The following PLXND1 variants were observed in gnomAD, a reference collection of about 807,000 sequenced individuals.
PLXND1 encodes plexin-D1.
In PLXND1, 54 loss-of-function variants were observed where a neutral mutation model predicts 197.7. The ratio of observed to expected loss-of-function variants is 0.27; its 90% CI spans 0.22 to 0.34. The LOEUF is 0.34. PLXND1 is among the 10% of genes least tolerant of loss of function. PLXND1 has a pLI of 1.00. For synonymous variants in PLXND1, 1,180 were observed against 1,161.2 expected, an observed-to-expected ratio of 1.02 and a Z score of -0.33; for missense variants, 2,127 against 2,699.2, an observed-to-expected ratio of 0.79 and a Z score of 4.70.
At chr3:129,591,272 A>G (rs1311810331) in intron 1 of PLXND1, 2 of 152,232 alleles carry the variant, frequency 1.3e-5, no homozygotes, top group Non-Finnish European at 2.9e-5. Context: ...ATTTTACTCA[A>G]CTATAAAATG....
At position 129,561,814 on chromosome 3, in the gene PLXND1, G is replaced by A; in HGVS notation, c.4915C>T (p.Leu1639=). The A allele has an allele frequency of 6.2e-7, 1 of 1,612,742 alleles. No homozygotes were observed. Among genetic ancestry groups the A allele is most frequent in the Non-Finnish European group, 8.5e-7 (1 of 1,178,866 alleles). Residue 1639 remains leucine, a synonymous_variant, in exon 28 of 36, where the codon CTG becomes TTG. Transcript: ENST00000324093. ...VEDGRKKLNT[L]AHYKIPEGAS... Reference sequence around the variant, plus strand: ...CAGGGCTGCACCTTGTAATGGGCCAGCGTGTTAAGCTTCTTGCGGCCGTCT... The same window carrying A: ...CAGGGCTGCACCTTGTAATGGGCCAACGTGTTAAGCTTCTTGCGGCCGTCT...
Position 129,589,521 on chromosome 3 carries a change from G to C in PLXND1, c.1318C>G (p.Pro440Ala). 6.3e-7 allele frequency: 1 copy of C among 1,580,516 alleles called. No individual in the cohort carries two copies. The highest frequency in any genetic ancestry group is 1.1e-5 in the South Asian group (1 of 87,022). The change falls in exon 2 of 36, where the codon CCA becomes GCA. Residue 440 changes from proline to alanine, a missense_variant. By Grantham distance (27) the Pro-to-Ala change is conservative. Transcript: ENST00000324093. ...CERKLNIQLQ[P>A]EQLDCGAAHL... Reference sequence around the variant, plus strand: ...GCAGCTCCACAGTCCAGCTGCTCTGGCTGGAGCTGGAAGAGGAACGGCACG... The same window carrying C: ...GCAGCTCCACAGTCCAGCTGCTCTGCCTGGAGCTGGAAGAGGAACGGCACG...
At chr3:129,601,501 C>G (rs1305531201) in intron 1 of PLXND1, among the ~76,000 whole-genome samples, 1 of 152,164 alleles carries the variant, frequency 6.6e-6, no homozygotes. Context: ...TTCCAAAGGC[C>G]TGGCTGAGCT....
chr3:129,557,689 G>A lies in PLXND1; in HGVS notation c.5446-466C>T, dbSNP rs770980609. Among the ~76,000 whole-genome samples, 3 of 152,180 alleles carry A rather than the reference G, an allele frequency of 2.0e-5. No homozygotes were observed. The highest frequency in any genetic ancestry group is 4.4e-5 in the Non-Finnish European group (3 of 68,042). On this transcript the variant is annotated intron_variant, in intron 33 of 35. Coordinates refer to ENST00000324093, the MANE Select transcript of PLXND1 (RefSeq NM_015103.3). The surrounding 1 kb of genome is among the most constrained non-coding windows in gnomAD (Gnocchi z 4.8). ...ACACTCCCAGTTCTTTGTCAGTCAC[G>A]GGCACCCTGCCTTCGGAGGCAGTAC...
intron 1 of PLXND1, among the ~76,000 whole-genome samples, chr3:129,597,215 G>A (rs555815431): frequency 2.4e-4 from 36 of 152,056 alleles, no homozygotes; most frequent in African/African-American, 8.2e-4. Context: ...GCAGGCCTGC[G>A]GGCTCCAGAT....
Position 129,565,396 on chromosome 3 carries a change from C to T in PLXND1, c.4465G>A (p.Val1489Met). The change falls in exon 25 of 36, where the codon GTG becomes ATG. Residue 1489 changes from valine to methionine, a missense_variant. Transcript: ENST00000324093. ...CAGTTGGTGAGCATCTTCTCCACCA[C>T]AGACTCTGTGCGCCGCAGCATGAGC... ...PKLMLRRTES[V>M]VEKMLTNWMS... The T allele has an allele frequency of 2.5e-6, 4 of 1,614,182 alleles. No homozygotes were observed. The highest frequency in any genetic ancestry group is 3.4e-6 in the Non-Finnish European group (4 of 1,180,044).
chr3:129,557,287 T>G lies in PLXND1; in HGVS notation c.5446-64A>C. On this transcript the variant is annotated intron_variant, in intron 33 of 35. Coordinates refer to ENST00000324093, the MANE Select transcript of PLXND1 (RefSeq NM_015103.3). The surrounding 1 kb of genome is among the most constrained non-coding windows in gnomAD (Gnocchi z 4.8). ...AGAAAGGACGGATCTGGTCGTTTTC[T>G]GGATGAGCCCTCATCCCTCCTGCCA... is the stretch of plus-strand genomic sequence containing the variant. The G allele has an allele frequency of 6.3e-7, 1 of 1,585,720 alleles. No homozygotes were observed. Among genetic ancestry groups the G allele is most frequent in the Non-Finnish European group, 8.6e-7 (1 of 1,157,552 alleles).
chr3:129,580,495 C>T (rs1292923322), intron 8 of PLXND1, among the ~76,000 whole-genome samples: 2 of 152,140 alleles, frequency 1.3e-5, no homozygotes, highest in East Asian at 1.9e-4. Flanking sequence ...GGCTGGGGCC[C>T]AGCCTCTGTC....
At chr3:129,590,502 G>A (rs561086089) in intron 1 of PLXND1, among the ~76,000 whole-genome samples, 13 of 152,232 alleles carry the variant, frequency 8.5e-5, no homozygotes, top group Admixed American at 5.9e-4. Flanking sequence ...CACATGTGTC[G>A]GATGGGACTG....
Position 129,586,244 on chromosome 3 carries a change from T to C in PLXND1, c.1649A>G (p.Asn550Ser), listed in dbSNP as rs772928504. 14 of 1,590,436 alleles carry C rather than the reference T, an allele frequency of 8.8e-6. No homozygotes were observed. Among genetic ancestry groups the C allele is most frequent in the African/African-American group, 2.7e-5 (2 of 74,496 alleles). Residue 550 changes from asparagine to serine, a missense_variant, in exon 4 of 36, where the codon AAC becomes AGC. Physicochemically the swap from Asn to Ser is conservative, Grantham distance 46. Around this residue, in one of 6 missense-constraint regions of PLXND1, gnomAD observed 1,095 missense variants for 1,259.8 expected, o/e 0.87. Coordinates refer to ENST00000324093, the MANE Select transcript of PLXND1 (RefSeq NM_015103.3). ...GCAGTCCCCACAGGTGGAGTGCACG[T>C]TGCAGGCGGCGACCTTCACCCTGGC... ...QMARVKVAAC[N>S]VHSTCGDCVG...
At chr3:129,590,337 C>G (rs2085521376) in intron 1 of PLXND1, among the ~76,000 whole-genome samples, 1 of 152,182 alleles carries the variant, frequency 6.6e-6, no homozygotes, top group Non-Finnish European at 1.5e-5. Flanking sequence ...TACCTTCCCT[C>G]CCTTCTCCTG....
At position 129,605,765 on chromosome 3, in the gene PLXND1, C is replaced by A. The variant is rs79870266; in HGVS notation, c.875G>T (p.Gly292Val). 27 of 1,566,614 alleles carry A rather than the reference C, an allele frequency of 1.7e-5. No homozygotes were observed. The highest frequency in any genetic ancestry group is 5.7e-5 in the Admixed American group (3 of 52,532). Residue 292 changes from glycine (G) to valine (V), a missense_variant, in exon 1 of 36, where the codon GGT becomes GTT. Transcript: ENST00000324093. ...AFLHPSDPPP[G>V]AQSYAYLALN... ...CGCCAGGTACGCGTAGGACTGTGCA[C>A]CCGGCGGCGGGTCGGACGGGTGCAG...
chr3:129,578,466 G>C, intron 8 of PLXND1, 33 bp from the exon 9 acceptor site: 1 of 1,361,510 alleles, frequency 7.3e-7, no homozygotes, highest in Non-Finnish European at 1.0e-6. Flanking sequence ...GGGTGACACA[G>C]GGGCATTTCA....
chr3:129,575,713 T>A, intron 10 of PLXND1, 53 bp downstream of exon 10: 1 of 1,366,642 alleles, frequency 7.3e-7, no homozygotes, highest in South Asian at 1.2e-5. Flanking sequence ...GGGTACAGCA[T>A]CTGGACTTAA....
chr3:129,600,036 G>A (rs1224256088), intron 1 of PLXND1, among the ~76,000 whole-genome samples: 3 of 152,242 alleles, frequency 2.0e-5, no homozygotes, highest in Non-Finnish European at 4.4e-5. Flanking sequence ...GGCCTGCAGA[G>A]CGCGAGCTCG....
intron 9 of PLXND1, 85 bp from the exon 10 acceptor site, chr3:129,575,940 G>T: frequency 2.5e-6 from 2 of 787,806 alleles, no homozygotes; most frequent in Non-Finnish European, 4.4e-6. Flanking sequence ...GACACCACGG[G>T]CTCCTGCTGG....
chr3:129,597,485 C>G lies in PLXND1; in HGVS notation c.1311+7844G>C, dbSNP rs987191800. Among the ~76,000 whole-genome samples, 7 of 151,450 alleles carry G rather than the reference C, an allele frequency of 4.6e-5. No individual in the cohort carries two copies. In the East Asian group the frequency reaches 7.9e-4, roughly 17 times the overall value. ...CACTCCAAGGCCTCTGCCTGCGGGC[C>G]CCCCCCCATTATTTACCGATCAGAG... On this transcript the variant is annotated intron_variant, in intron 1 of 35. Transcript: ENST00000324093.
At chr3:129,574,629 T>A in intron 11 of PLXND1, 139 bp from the exon 12 acceptor site, 1 of 887,850 alleles carries the variant, frequency 1.1e-6, no homozygotes, top group Non-Finnish European at 1.7e-6. Context: ...GTCCTGATTC[T>A]GGGGGTCAGG....
chr3:129,591,027 C>G (rs1338026390), intron 1 of PLXND1, among the ~76,000 whole-genome samples: 4 of 152,134 alleles, frequency 2.6e-5, no homozygotes, highest in African/African-American at 9.7e-5. Flanking sequence ...ACAGGCTCAG[C>G]TAGTTTTCAA....
Sources: gnomAD v4.1 joint callset for allele counts (sites outside exome capture counted in the v4.1 genomes callset) on GRCh38, gnomAD v4.1.1 for gene constraint, gnomAD v4.1.1 regional missense constraint, Gnocchi (gnomAD v3.1) non-coding constraint, MANE v1.5 for transcripts, NCBI Gene and HGNC (gene_info 2026-07-23, HGNC 2026-07-21) for gene names.